ADAP2: variants seen among roughly 807,000 people sequenced by gnomAD.
ADAP2 encodes arf-GAP with dual PH domain-containing protein 2.
A neutral mutation model predicts 54.9 loss-of-function variants in ADAP2; 42 were observed. The observed-to-expected ratio is 0.77, with a 90% CI of 0.60 to 0.99. The LOEUF (loss-of-function observed/expected upper bound fraction) is 0.99. Among genes scored for constraint, ADAP2 ranks in the 50% least tolerant of loss-of-function variants. The pLI, the probability that ADAP2 is intolerant of heterozygous loss-of-function variation, is 0.00. For synonymous variants in ADAP2, 177 were observed against 180.1 expected, an observed-to-expected ratio of 0.98 and a Z score of 0.14; for missense variants, 429 against 480.4, an observed-to-expected ratio of 0.89 and a Z score of 1.00.
chr17:30,956,869 G>A (rs2142609786), intron 10 of ADAP2: 1 of 189,878 alleles, frequency 5.3e-6, no homozygotes, highest in South Asian at 1.0e-4. Context: ...CAGCTCCTGG[G>A]ATTTTTGGAT....
chr17:30,939,092 T>G, intron 5 of ADAP2, among the ~76,000 whole-genome samples: 1 of 152,186 alleles, frequency 6.6e-6, no homozygotes, highest in East Asian at 1.9e-4. Flanking sequence ...CAGTCTTCAA[T>G]GTAAAGCACT....
At chr17:30,957,408 CTCTG>C (rs1159090689) in intron 10 of ADAP2, among the ~76,000 whole-genome samples, 1 of 151,722 alleles carries the variant, frequency 6.6e-6, no homozygotes, top group Non-Finnish European at 1.5e-5. Context: ...TTCTGGCTCC[CTCTG>C]TCTTTGTGTT....
At chr17:30,951,901 C>T (rs188399328) in intron 7 of ADAP2, among the ~76,000 whole-genome samples, 3 of 147,600 alleles carry the variant, frequency 2.0e-5, no homozygotes, top group African/African-American at 5.0e-5. Flanking sequence ...GTGATCCACA[C>T]GCCTCGGCCT....
rs537199060 is a variant in ADAP2 at position 30,938,258 on chromosome 17, C to T, written c.510+3961C>T. On this transcript the variant is annotated intron_variant, in intron 5 of 10. Transcript: ENST00000330889. ...TTAGCTGGCCAGAGACCCAAAGAAGCTTTCACTCATGTCTGGTGCCTTGGT... is the reference window on the plus strand; with the variant it reads ...TTAGCTGGCCAGAGACCCAAAGAAGTTTTCACTCATGTCTGGTGCCTTGGT... Among the ~76,000 whole-genome samples, 22 of 152,320 alleles carry T rather than the reference C, an allele frequency of 1.4e-4. No individual in the cohort carries two copies. The East Asian group carries it at 4.2e-3, about 29-fold the overall frequency.
In ADAP2 at chr17:30,956,468, T is replaced by G. The variant is rs1441823111; in HGVS notation, c.1110T>G (p.Leu370=). The change falls in exon 10 of 11, where the codon CTT becomes CTG. Residue 370 remains leucine (L), a splice_region_variant and synonymous_variant. Coordinates refer to ENST00000330889, the MANE Select transcript of ADAP2 (RefSeq NM_018404.3). ...LSSPLTPLNR[L]TASTESGRSS... ...GCCCCTTGACGCCCCTCAACCGGCT[T>G]AGTAAGAAGCAGGAACTGAGGGGTG... 6.2e-7 allele frequency: 1 copy of G among 1,614,000 alleles called. No individual in the cohort carries two copies.
chr17:30,953,250 G>A (rs892227877), intron 7 of ADAP2, 38 bp from the exon 8 acceptor site: 2 of 1,611,038 alleles, frequency 1.2e-6, no homozygotes, highest in South Asian at 1.1e-5. Context: ...GAGCCTTGGG[G>A]TGTGAGTTGG....
intron 2 of ADAP2, among the ~76,000 whole-genome samples, chr17:30,923,693 CTTTTTTTT>C (rs1013811428): frequency 3.2e-5 from 3 of 92,410 alleles, no homozygotes; most frequent in African/African-American, 5.0e-5. Context: ...TTCTTTCTTC[CTTTTTTTT>C]TTTTTTTTTT....
chr17:30,931,874 GCT>G lies in ADAP2; in HGVS notation c.318-8_318-7del. The G allele has an allele frequency of 6.2e-7, 1 of 1,601,786 alleles. No individual in the cohort carries two copies. Among genetic ancestry groups the G allele is most frequent in the Non-Finnish European group, 8.5e-7 (1 of 1,173,928 alleles). On this transcript the variant is annotated splice_polypyrimidine_tract_variant and intron_variant, in intron 3 of 10. Transcript: ENST00000330889. ...ATGCATCAAACGCAGCTGACCTCAG[GCT>G]CTCTCTTTTTAGGGTCTTAAAGGAA...
intron 3 of ADAP2, among the ~76,000 whole-genome samples, chr17:30,929,965 T>C (rs8072013): frequency 0.11 from 16,994 of 152,066 alleles, 2,850 homozygotes; most frequent in African/African-American, 0.37. Context: ...CATCTGCCTG[T>C]GTTGGCCTCC....
At chr17:30,934,413 AG>A in intron 5 of ADAP2, 116 bp downstream of exon 5, 2 of 684,998 alleles carry the variant, frequency 2.9e-6, no homozygotes. Context: ...CCTGAGAGTT[AG>A]GCACAACATT....
At chr17:30,945,712 T>C (rs1199137983) in intron 6 of ADAP2, among the ~76,000 whole-genome samples, 1 of 151,594 alleles carries the variant, frequency 6.6e-6, no homozygotes, top group Non-Finnish European at 1.5e-5. Flanking sequence ...GCCATGATCA[T>C]GCCACTGCAC....
At chr17:30,957,016 G>C (rs1905126723) in intron 10 of ADAP2, 1 of 156,246 alleles carries the variant, frequency 6.4e-6, no homozygotes, top group South Asian at 1.9e-4. Context: ...AAAAAGGGGA[G>C]ACATGCCGAG....
At chr17:30,933,049 A>T (rs1435999149) in intron 4 of ADAP2, among the ~76,000 whole-genome samples, 1 of 152,054 alleles carries the variant, frequency 6.6e-6, no homozygotes, top group Non-Finnish European at 1.5e-5. Context: ...GTGGCCCTGG[A>T]CCTGTGGCAG....
intron 1 of ADAP2, among the ~76,000 whole-genome samples, chr17:30,922,671 C>T (rs1910721602): frequency 6.6e-6 from 1 of 152,240 alleles, no homozygotes; most frequent in Non-Finnish European, 1.5e-5. Flanking sequence ...GCGGTGCGCC[C>T]CCCGCGCCCT....
chr17:30,930,806 T>C (rs948032231), intron 3 of ADAP2, among the ~76,000 whole-genome samples: 15 of 152,120 alleles, frequency 9.9e-5, no homozygotes, highest in African/African-American at 2.4e-4. Flanking sequence ...TTAAAATAAC[T>C]CCACTCTCGG....
At chr17:30,946,093 T>A (rs1424273130) in intron 6 of ADAP2, among the ~76,000 whole-genome samples, 1 of 151,208 alleles carries the variant, frequency 6.6e-6, no homozygotes, top group African/African-American at 2.4e-5. Context: ...AGGCAGAGCT[T>A]GCAGTGAGCC....
At chr17:30,943,441 G>C (rs191781576) in intron 5 of ADAP2, among the ~76,000 whole-genome samples, 1 of 152,124 alleles carries the variant, frequency 6.6e-6, no homozygotes, top group African/African-American at 2.4e-5. Context: ...TATTTTCATC[G>C]CAGCACTATT....
intron 6 of ADAP2, 148 bp from the exon 7 acceptor site, chr17:30,949,139 T>G (rs763876179): frequency 1.1e-5 from 7 of 618,068 alleles, no homozygotes; most frequent in African/African-American, 9.2e-5. Flanking sequence ...CCTCCCTGGA[T>G]GCCCCTGAGC....
chr17:30,942,510 A>G (rs1362484569), intron 5 of ADAP2, among the ~76,000 whole-genome samples: 1 of 152,238 alleles, frequency 6.6e-6, no homozygotes, highest in East Asian at 1.9e-4. Context: ...TGACCTACAG[A>G]TGCACTCACA....
Sources: gnomAD v4.1 joint callset for allele counts (sites outside exome capture counted in the v4.1 genomes callset) on GRCh38, gnomAD v4.1.1 for gene constraint, MANE v1.5 for transcripts, NCBI Gene and HGNC (gene_info 2026-07-23, HGNC 2026-07-21) for gene names.